Variants in PHACTR1 observed in about 807,000 individuals in gnomAD.
The protein encoded by PHACTR1 is RPEL repeat containing 1.
A neutral mutation model predicts 69.2 loss-of-function variants in PHACTR1; 16 were observed. The ratio of observed to expected loss-of-function variants is 0.23; its 90% confidence interval spans 0.16 to 0.35. The LOEUF (loss-of-function observed/expected upper bound fraction) is 0.35, where lower values mean the gene tolerates loss of function less well. PHACTR1 is among the 10% of genes least tolerant of loss of function. The pLI is 1.00. For synonymous variants in PHACTR1, 312 were observed against 284.5 expected, an observed-to-expected ratio of 1.10 and a Z score of -0.97; for missense variants, 510 against 734.7, an observed-to-expected ratio of 0.69 and a Z score of 3.54.
chr6:12,724,548 C>G (rs571827877), intron 3 of PHACTR1, among the ~76,000 whole-genome samples: 2 of 152,274 alleles, frequency 1.3e-5, no homozygotes, highest in South Asian at 4.1e-4. Context: ...TCAAACATAT[C>G]CATCTCCAAA....
chr6:12,799,428 A>G (rs753912254), intron 4 of PHACTR1, among the ~76,000 whole-genome samples: 7 of 152,178 alleles, frequency 4.6e-5, no homozygotes, highest in Non-Finnish European at 8.8e-5. Flanking sequence ...GATTTTTTTC[A>G]AATTACTTTT....
chr6:12,811,677 T>G (rs1179305380), intron 4 of PHACTR1, among the ~76,000 whole-genome samples: 1 of 152,184 alleles, frequency 6.6e-6, no homozygotes, highest in Non-Finnish European at 1.5e-5. Context: ...CACTGTGTTG[T>G]TTTTTGCCTT....
At chr6:13,232,985 C>T (rs1771459476) in intron 10 of PHACTR1, among the ~76,000 whole-genome samples, 1 of 152,224 alleles carries the variant, frequency 6.6e-6, no homozygotes, top group South Asian at 2.1e-4. Context: ...GAGCATCTGG[C>T]TGCCCCAGTG....
intron 7 of PHACTR1, among the ~76,000 whole-genome samples, chr6:13,199,349 A>ACT (rs1764862917): frequency 7.5e-6 from 1 of 133,640 alleles, no homozygotes; most frequent in Admixed American, 9.0e-5. Context: ...ACACCACTGC[A>ACT]CTCCAGCCTG....
intron 5 of PHACTR1, among the ~76,000 whole-genome samples, chr6:13,068,594 G>A (rs1395924097): frequency 6.6e-6 from 1 of 152,146 alleles, no homozygotes; most frequent in African/African-American, 2.4e-5. Flanking sequence ...CTGAGTTTAG[G>A]AGCCTGCCTT....
At chr6:12,752,799 AAGTC>A (rs79977003) in intron 4 of PHACTR1, among the ~76,000 whole-genome samples, 3,450 of 152,334 alleles carry the variant, frequency 0.023, 114 homozygotes, top group East Asian at 0.081. Flanking sequence ...CTACAGTGGC[AAGTC>A]AGTCAAAGAA....
chr6:13,050,229 A>T (rs1044958018), intron 4 of PHACTR1, among the ~76,000 whole-genome samples: 1 of 152,154 alleles, frequency 6.6e-6, no homozygotes, highest in Non-Finnish European at 1.5e-5. Context: ...TACTTGCCTG[A>T]TTTGATTTCT....
intron 3 of PHACTR1, among the ~76,000 whole-genome samples, chr6:12,745,637 G>T (rs1765690231): frequency 6.6e-6 from 1 of 152,202 alleles, no homozygotes. Context: ...CTGGGTAGAA[G>T]TATGGATGCC....
intron 4 of PHACTR1, among the ~76,000 whole-genome samples, chr6:12,815,346 T>A (rs1275407469): frequency 6.6e-6 from 1 of 152,196 alleles, no homozygotes; most frequent in African/African-American, 2.4e-5. Flanking sequence ...GATTCCTATC[T>A]CTGTTGAGAA....
At chr6:13,088,512 C>T (rs1363170457) in intron 5 of PHACTR1, among the ~76,000 whole-genome samples, 4 of 152,046 alleles carry the variant, frequency 2.6e-5, no homozygotes, top group Non-Finnish European at 4.4e-5. Flanking sequence ...AATTATATTC[C>T]CAAACTTTTT....
chr6:12,969,316 G>T (rs1793879760), intron 4 of PHACTR1, among the ~76,000 whole-genome samples: 1 of 152,144 alleles, frequency 6.6e-6, no homozygotes, highest in African/African-American at 2.4e-5. Context: ...TCTAGTAAAA[G>T]CCTTAAGTGG....
At chr6:12,733,429 CA>C (rs1763820965) in intron 3 of PHACTR1, among the ~76,000 whole-genome samples, 1 of 152,176 alleles carries the variant, frequency 6.6e-6, no homozygotes, top group South Asian at 2.1e-4. Flanking sequence ...TCAGAATGAT[CA>C]AAAACTGACC....
intron 5 of PHACTR1, among the ~76,000 whole-genome samples, chr6:13,099,504 A>G (rs1583349869): frequency 6.6e-6 from 1 of 152,212 alleles, no homozygotes; most frequent in East Asian, 1.9e-4. Flanking sequence ...ACAGGCTCCC[A>G]TTCCCATGGG....
At chr6:13,098,987 C>T (rs1814717732) in intron 5 of PHACTR1, among the ~76,000 whole-genome samples, 1 of 152,198 alleles carries the variant, frequency 6.6e-6, no homozygotes, top group Admixed American at 6.5e-5. Flanking sequence ...CTTTAATACA[C>T]TTCAGTAACT....
intron 11 of PHACTR1, chr6:13,273,720 T>C (rs1405644786): frequency 6.6e-6 from 1 of 152,222 alleles, no homozygotes; most frequent in African/African-American, 2.4e-5. Flanking sequence ...TATTCATTCA[T>C]TGCTACCATT....
At position 13,014,788 on chromosome 6, in the gene PHACTR1, G is replaced by C. The variant is rs111402268; in HGVS notation, c.251-38577G>C. Among the ~76,000 whole-genome samples the C allele has an allele frequency of 3.0e-3, 460 of 152,352 alleles. 2 individuals are homozygous for C. The highest frequency in any genetic ancestry group is 0.01 in the African/African-American group (434 of 41,588). On this transcript the variant is annotated intron_variant, in intron 4 of 14. Coordinates refer to ENST00000332995, the MANE Select transcript of PHACTR1 (RefSeq NM_030948.6). Reference sequence around the variant, plus strand: ...TGAGCCTGGGCGTGTGCGAGCCAGAGCTCCCGCAGTCTAATCTGAAGTAGA... The same window carrying C: ...TGAGCCTGGGCGTGTGCGAGCCAGACCTCCCGCAGTCTAATCTGAAGTAGA...
At position 12,971,751 on chromosome 6, in the gene PHACTR1, T is replaced by G. The variant is rs144562512; in HGVS notation, c.251-81614T>G. On this transcript the variant is annotated intron_variant, in intron 4 of 14. Coordinates refer to ENST00000332995, the MANE Select transcript of PHACTR1 (RefSeq NM_030948.6). ...ATATGCTAAAAAATACCCATGAAAT[T>G]ATTGTGAATCACATACAGGTGAATT... Among the ~76,000 whole-genome samples the G allele has an allele frequency of 3.1e-3, 469 of 152,348 alleles. 2 individuals carry two copies. The highest frequency in any genetic ancestry group is 0.01 in the African/African-American group (423 of 41,574).
chr6:13,262,147 G>A (rs1278011751), intron 10 of PHACTR1, among the ~76,000 whole-genome samples: 1 of 152,152 alleles, frequency 6.6e-6, no homozygotes, highest in East Asian at 1.9e-4. Flanking sequence ...CTGATGGACT[G>A]CTTCCCCAAG....
intron 4 of PHACTR1, among the ~76,000 whole-genome samples, chr6:12,967,761 G>T (rs1793667486): frequency 6.6e-6 from 1 of 152,208 alleles, no homozygotes; most frequent in Admixed American, 6.5e-5. Flanking sequence ...AAGTATCCTG[G>T]ACGGAATCAA....
Sources: gnomAD v4.1 joint callset for allele counts (sites outside exome capture counted in the v4.1 genomes callset) on GRCh38, gnomAD v4.1.1 for gene constraint, MANE v1.5 for transcripts, NCBI Gene and HGNC (gene_info 2026-07-23, HGNC 2026-07-21) for gene names.